HACE1: variants seen among roughly 807,000 people sequenced by gnomAD.
The protein encoded by HACE1 is HECT domain and ankyrin repeat containing E3 ubiquitin protein ligase 1.
A neutral mutation model predicts 118.4 loss-of-function variants in HACE1; 73 were observed. That is an observed-to-expected ratio of 0.62 (90% CI 0.51 to 0.75). The LOEUF (loss-of-function observed/expected upper bound fraction) is 0.75, where lower values mean the gene tolerates loss of function less well. Among genes scored for constraint, HACE1 ranks in the 30% least tolerant of loss-of-function variants. The pLI is 0.00. For missense variants in HACE1, 749 were observed against 1,102.2 expected (o/e 0.68, Z 4.54); for synonymous variants, 368 against 374.8 (o/e 0.98, Z 0.21).
chr6:104,851,846 C>T (rs968989037), intron 2 of HACE1, among the ~76,000 whole-genome samples: 11 of 151,966 alleles, frequency 7.2e-5, no homozygotes, highest in African/African-American at 2.4e-4. Flanking sequence ...GTGTAAAGAC[C>T]CCCTCACAAA....
chr6:104,830,303 G>A (rs1215502787), intron 6 of HACE1, among the ~76,000 whole-genome samples: 1 of 151,986 alleles, frequency 6.6e-6, no homozygotes, highest in African/African-American at 2.4e-5. Context: ...CATAGAATAC[G>A]TTTTAAATTT....
intron 4 of HACE1, 121 bp downstream of exon 4, chr6:104,849,021 C>T (rs563080631): frequency 1.9e-5 from 13 of 688,372 alleles, no homozygotes; most frequent in African/African-American, 1.8e-4. Context: ...AAATATGCAC[C>T]ATTATTTTAG....
At chr6:104,852,228 T>TGA in intron 2 of HACE1, 89 bp downstream of exon 2, 1 of 660,804 alleles carries the variant, frequency 1.5e-6, no homozygotes, top group Non-Finnish European at 2.8e-6. Context: ...TGTGTGTGTG[T>TGA]GCGCGCGTGC....
intron 1 of HACE1, among the ~76,000 whole-genome samples, chr6:104,852,636 G>A (rs971378401): frequency 6.6e-6 from 1 of 152,152 alleles, no homozygotes; most frequent in Non-Finnish European, 1.5e-5. Context: ...TGATTCTTCA[G>A]AAGGTTTTGT....
chr6:104,829,921 C>T (rs990538309), intron 6 of HACE1, among the ~76,000 whole-genome samples: 2 of 152,102 alleles, frequency 1.3e-5, no homozygotes, highest in Non-Finnish European at 2.9e-5. Flanking sequence ...ATACTTATAC[C>T]ACCTAATTTT....
At chr6:104,795,810 C>A in intron 9 of HACE1, 125 bp from the exon 10 acceptor site, 1 of 654,104 alleles carries the variant, frequency 1.5e-6, no homozygotes, top group South Asian at 1.8e-5. Flanking sequence ...GTTATTTTGT[C>A]TTGCATAAGT....
intron 4 of HACE1, among the ~76,000 whole-genome samples, chr6:104,843,555 C>G (rs1408906264): frequency 6.6e-6 from 1 of 152,150 alleles, no homozygotes; most frequent in African/African-American, 2.4e-5. Flanking sequence ...AAATCACATT[C>G]AAACTGTAGA....
chr6:104,783,118 A>G (rs1415039271), intron 14 of HACE1, among the ~76,000 whole-genome samples: 1 of 152,140 alleles, frequency 6.6e-6, no homozygotes, highest in Admixed American at 6.5e-5. Context: ...AGTTTTACAT[A>G]CTTTTCGGTC....
At chr6:104,791,776 T>C in intron 10 of HACE1, 122 bp from the exon 11 acceptor site, 1 of 664,536 alleles carries the variant, frequency 1.5e-6, no homozygotes, top group Non-Finnish European at 2.6e-6. Flanking sequence ...TGGAGTACAA[T>C]TCCTTTCCTA....
Position 104,785,212 on chromosome 6 carries a change from T to A in HACE1, c.1182A>T (p.Lys394Asn). 6.2e-7 allele frequency: 1 copy of A among 1,613,834 alleles called. No homozygotes were observed. Among genetic ancestry groups the A allele is most frequent in the Non-Finnish European group, 8.5e-7 (1 of 1,179,746 alleles). Residue 394 changes from lysine to asparagine, a missense_variant, in exon 12 of 24, where the codon AAA (lysine) becomes AAT (asparagine). Physicochemically the swap from Lys to Asn is moderately conservative, Grantham distance 94. Transcript: ENST00000262903. ...DSTEITSILLKQKGQDQDAAS... is the reference protein window; with the variant it reads ...DSTEITSILLNQKGQDQDAAS... ...CAGCATCTTGATCTTGGCCTTTTTG[T>A]TTCAGTAAAATAGAAGTGATCTCTG...
intron 14 of HACE1, among the ~76,000 whole-genome samples, chr6:104,780,886 A>G (rs1781663823): frequency 6.6e-6 from 1 of 152,164 alleles, no homozygotes. Context: ...GATAGTTTTA[A>G]AGACTGCAGG....
intron 10 of HACE1, among the ~76,000 whole-genome samples, chr6:104,792,666 A>G (rs1219669299): frequency 3.9e-5 from 6 of 152,224 alleles, no homozygotes; most frequent in Non-Finnish European, 5.9e-5. Context: ...ACTGGAGGCT[A>G]TATGAGTAAA....
intron 19 of HACE1, among the ~76,000 whole-genome samples, chr6:104,761,415 T>C (rs1030577211): frequency 1.1e-4 from 17 of 152,218 alleles, no homozygotes; most frequent in Non-Finnish European, 1.5e-5. Context: ...CCATCTGCTC[T>C]TTGACAAATC....
chr6:104,754,242 T>G (rs1216039160), intron 19 of HACE1, among the ~76,000 whole-genome samples: 1 of 152,010 alleles, frequency 6.6e-6, no homozygotes, highest in Non-Finnish European at 1.5e-5. Context: ...CTCCAAGAGA[T>G]ATGGGGTTAT....
chr6:104,855,777 T>C (rs181166685), intron 1 of HACE1, among the ~76,000 whole-genome samples: 121 of 152,272 alleles, frequency 7.9e-4, no homozygotes, highest in South Asian at 2.3e-3. Context: ...AGTCACCCCA[T>C]AATAAAGTCA....
intron 7 of HACE1, among the ~76,000 whole-genome samples, chr6:104,798,165 T>C (rs1769898603): frequency 6.6e-6 from 1 of 151,808 alleles, no homozygotes; most frequent in Non-Finnish European, 1.5e-5. Context: ...AAAAGAACTC[T>C]GTAGATGAGA....
At chr6:104,757,081 C>G (rs1323052377) in intron 19 of HACE1, among the ~76,000 whole-genome samples, 2 of 152,152 alleles carry the variant, frequency 1.3e-5, no homozygotes, top group African/African-American at 2.4e-5. Flanking sequence ...TGGGCGGTGG[C>G]CACTGGAGCT....
rs140171026 is a variant in HACE1 at position 104,759,564 on chromosome 6, A to G, written c.2212-9092T>C. ...CATTTAAAGCAATGTGTAGAAGGAAATTTTTAGCACTAAACGCCCACAAGA... is the reference window on the plus strand; with the variant it reads ...CATTTAAAGCAATGTGTAGAAGGAAGTTTTTAGCACTAAACGCCCACAAGA... On this transcript the variant is annotated intron_variant, in intron 19 of 23. Transcript: ENST00000262903. 2.2e-3 allele frequency among the ~76,000 whole-genome samples: 342 copies of G among 152,334 alleles called. 1 individual carries two copies. The highest frequency in any genetic ancestry group is 7.7e-3 in the African/African-American group (322 of 41,572).
chr6:104,794,327 G>C lies in HACE1; in HGVS notation c.923+1252C>G, dbSNP rs190483593. ...TATATATAATATGACAAATATTTAA[G>C]AAGAAAAAATAAGTTTTCTAATGTA... On this transcript the variant is annotated intron_variant, in intron 10 of 23. Transcript: ENST00000262903. Among the ~76,000 whole-genome samples, 5 of 152,186 alleles carry C rather than the reference G, an allele frequency of 3.3e-5. No individual in the cohort carries two copies. In the East Asian group the frequency reaches 9.7e-4, roughly 29 times the overall value.
Sources: gnomAD v4.1 joint callset for allele counts (sites outside exome capture counted in the v4.1 genomes callset) on GRCh38, gnomAD v4.1.1 for gene constraint, MANE v1.5 for transcripts, NCBI Gene and HGNC (gene_info 2026-07-23, HGNC 2026-07-21) for gene names.